The following TMEM132B variants were observed in gnomAD, a reference collection of about 807,000 sequenced individuals.
TMEM132B encodes the protein transmembrane protein 132B.
A neutral mutation model predicts 90.8 loss-of-function variants in TMEM132B; 18 were observed. The ratio of observed to expected loss-of-function variants is 0.20; its 90% confidence interval spans 0.14 to 0.29. TMEM132B has a LOEUF of 0.29. TMEM132B is among the 10% of genes least tolerant of loss of function. The probability of loss-of-function intolerance (pLI) is 1.00; values close to 1 mark genes in which losing one functional copy is unlikely to be tolerated. For missense variants in TMEM132B, 1,096 were observed against 1,326.8 expected, an observed-to-expected ratio of 0.83 and a Z score of 2.70; for synonymous variants, 504 against 523.3, an observed-to-expected ratio of 0.96 and a Z score of 0.50.
intron 6 of TMEM132B, among the ~76,000 whole-genome samples, chr12:125,649,512 T>C (rs1886852820): frequency 6.6e-6 from 1 of 152,196 alleles, no homozygotes; most frequent in Admixed American, 6.5e-5. Flanking sequence ...ATTGGTAAGA[T>C]CAGGGAAATA....
At chr12:125,505,183 A>ACAAAAC (rs1466147253) in intron 3 of TMEM132B, among the ~76,000 whole-genome samples, 18 of 143,612 alleles carry the variant, frequency 1.3e-4, no homozygotes, top group Admixed American at 7.9e-4. Context: ...AAAAAAAAAA[A>ACAAAAC]AAAAAAAAAA....
intron 3 of TMEM132B, among the ~76,000 whole-genome samples, chr12:125,514,889 C>G (rs989119198): frequency 2.0e-5 from 3 of 152,188 alleles, no homozygotes; most frequent in African/African-American, 7.2e-5. Flanking sequence ...TCCTCCTCCT[C>G]CTCCTCCTGG....
intron 3 of TMEM132B, among the ~76,000 whole-genome samples, chr12:125,465,592 C>G (rs1881541755): frequency 6.6e-6 from 1 of 152,196 alleles, no homozygotes; most frequent in Non-Finnish European, 1.5e-5. Context: ...GCTTCCTACT[C>G]CCTTGAGAGA....
intron 4 of TMEM132B, among the ~76,000 whole-genome samples, chr12:125,534,296 T>A (rs1226955052): frequency 1.3e-5 from 2 of 152,164 alleles, no homozygotes; most frequent in Non-Finnish European, 2.9e-5. Context: ...GCAGGAGGAC[T>A]GCTTGAGCGC....
chr12:125,290,620 C>G (rs1268870195), intron 1 of TMEM132B, among the ~76,000 whole-genome samples: 1 of 152,198 alleles, frequency 6.6e-6, no homozygotes, highest in Non-Finnish European at 1.5e-5. Context: ...CTCATCTGTG[C>G]TGATCTATAT....
At chr12:125,520,240 G>T (rs1018852482) in intron 4 of TMEM132B, among the ~76,000 whole-genome samples, 1 of 152,178 alleles carries the variant, frequency 6.6e-6, no homozygotes, top group African/African-American at 2.4e-5. Context: ...TCATGGGTGA[G>T]ATTCCAGAGC....
intron 4 of TMEM132B, among the ~76,000 whole-genome samples, chr12:125,543,676 G>A (rs117243280): frequency 3.4e-3 from 513 of 152,244 alleles, no homozygotes; most frequent in Middle Eastern, 6.8e-3. Context: ...TTAGAATGGC[G>A]ATTATTAAGA....
At chr12:125,435,702 G>A (rs947362571) in intron 3 of TMEM132B, among the ~76,000 whole-genome samples, 1 of 152,208 alleles carries the variant, frequency 6.6e-6, no homozygotes, top group Non-Finnish European at 1.5e-5. Flanking sequence ...AAATAAAGCA[G>A]GAGATAAGAA....
intron 3 of TMEM132B, among the ~76,000 whole-genome samples, chr12:125,427,647 T>G (rs1880358778): frequency 6.6e-6 from 1 of 152,222 alleles, no homozygotes; most frequent in Admixed American, 6.5e-5. Context: ...TTCAGTTACA[T>G]TGCTCGAGGT....
chr12:125,334,069 C>G (rs1390354621), intron 1 of TMEM132B, among the ~76,000 whole-genome samples: 1 of 152,112 alleles, frequency 6.6e-6, no homozygotes, highest in Non-Finnish European at 1.5e-5. Flanking sequence ...TCTGGGGCCC[C>G]TCTTTCAACT....
chr12:125,518,749 C>T (rs566744302), intron 3 of TMEM132B, among the ~76,000 whole-genome samples: 2 of 152,250 alleles, frequency 1.3e-5, no homozygotes, highest in African/African-American at 2.4e-5. Context: ...CACCTGCAAA[C>T]ACACATATGA....
rs114360501 is a variant in TMEM132B, at chr12:125,622,540, G to T, written c.1438-21536G>T. The T allele has an allele frequency of 8.3e-4, 792 of 959,486 alleles. 3 individuals are homozygous for T. The African/African-American group carries it at 0.015, about 18-fold the overall frequency. 59.4% of individuals were successfully genotyped at this position (959,486 alleles called of 1,614,324 possible). A position where few individuals can be genotyped will look rare whatever the true frequency, so the allele number is the denominator to read the frequency against. On this transcript the variant is annotated intron_variant, in intron 5 of 8. Transcript: ENST00000682704. ...ATCCTGCAGACTGCGTGGAGGCCAT[G>T]CTTTCACATCAAGCCTTCCTCGGTG...
rs189197406 is a variant in TMEM132B at position 125,585,982 on chromosome 12, A to G, written c.1437+1988A>G. On this transcript the variant is annotated intron_variant, in intron 5 of 8. Coordinates refer to ENST00000682704, the MANE Select transcript of TMEM132B (RefSeq NM_001366854.1). ...ATTAAATGGCTGTGATGCATTTACT[A>G]TGGCTTCAGTGTCAATGTTTGTAGT... The G allele has an allele frequency of 1.3e-4, 20 of 152,288 alleles. No individual in the cohort carries two copies. The East Asian group carries it at 3.9e-3, about 29-fold the overall frequency. The allele number at this position is 152,288 out of a possible 1,614,324, so 9.4% of individuals were successfully genotyped here.
chr12:125,521,431 C>T (rs1391789259), intron 4 of TMEM132B, among the ~76,000 whole-genome samples: 1 of 152,082 alleles, frequency 6.6e-6, no homozygotes, highest in South Asian at 2.1e-4. Context: ...ACATAATGTA[C>T]AAAAAATGGG....
chr12:125,590,006 T>G (rs190079500), intron 5 of TMEM132B, among the ~76,000 whole-genome samples: 1 of 152,236 alleles, frequency 6.6e-6, no homozygotes, highest in East Asian at 2.0e-4. Flanking sequence ...AATGGCTTAG[T>G]GCTGTCCCCT....
chr12:125,503,508 G>A (rs1321742123), intron 3 of TMEM132B, among the ~76,000 whole-genome samples: 3 of 152,224 alleles, frequency 2.0e-5, no homozygotes, highest in Non-Finnish European at 4.4e-5. Context: ...CATTCCTTGA[G>A]AACATACACC....
intron 1 of TMEM132B, among the ~76,000 whole-genome samples, chr12:125,195,391 C>CG (rs1450409640): frequency 7.3e-5 from 7 of 96,406 alleles, no homozygotes; most frequent in Admixed American, 1.2e-4. Context: ...GGAGGGTTTG[C>CG]GGGTTTTTTT....
chr12:125,393,783 G>A (rs1392772758), intron 2 of TMEM132B, among the ~76,000 whole-genome samples: 3 of 152,334 alleles, frequency 2.0e-5, no homozygotes, highest in Non-Finnish European at 4.4e-5. Context: ...GTGAATTATA[G>A]TGATATGGAA....
At chr12:125,218,519 G>A (rs533847151) in intron 1 of TMEM132B, among the ~76,000 whole-genome samples, 182 of 152,192 alleles carry the variant, frequency 1.2e-3, no homozygotes, top group Non-Finnish European at 2.0e-3. Flanking sequence ...CCCACGACAT[G>A]GCATTCTGGG....
Sources: gnomAD v4.1 joint callset for allele counts (sites outside exome capture counted in the v4.1 genomes callset) on GRCh38, gnomAD v4.1.1 for gene constraint, MANE v1.5 for transcripts, NCBI Gene and HGNC (gene_info 2026-07-23, HGNC 2026-07-21) for gene names.